MAD2L1: variants seen among roughly 807,000 people sequenced by gnomAD.
The protein encoded by MAD2L1 is mitotic arrest deficient 2 like 1.
A neutral mutation model predicts 25.9 loss-of-function variants in MAD2L1; 10 were observed. The ratio of observed to expected loss-of-function variants is 0.39; its 90% CI spans 0.24 to 0.66. The LOEUF is 0.66. MAD2L1 is among the 30% of genes least tolerant of loss of function. The pLI, the probability that MAD2L1 is intolerant of heterozygous loss-of-function variation, is 0.49. For synonymous variants in MAD2L1, 81 were observed against 91.8 expected, an observed-to-expected ratio of 0.88 and a Z score of 0.67; for missense variants, 180 against 246.4, an observed-to-expected ratio of 0.73 and a Z score of 1.80.
chr4:120,060,139 G>A lies in MAD2L1; in HGVS notation c.597C>T (p.Tyr199=). ...TIHKVNSMVA[Y]KIPVND is the part of the protein sequence containing the mutation. ...ATCCTCAGTCATTGACAGGAATTTT[G>A]TAGGCCACCATGCTATTTACTTTGT... The change falls in exon 5 of 5, where the codon TAC becomes TAT. Residue 199 remains tyrosine (Y), a synonymous_variant. Coordinates refer to ENST00000296509, the MANE Select transcript of MAD2L1 (RefSeq NM_002358.4). The A allele has an allele frequency of 6.2e-7, 1 of 1,600,600 alleles. No individual in the cohort carries two copies. Among genetic ancestry groups the A allele is most frequent in the Non-Finnish European group, 8.5e-7 (1 of 1,172,284 alleles).
rs1425246640 is a variant in MAD2L1, at chr4:120,062,090, A to AC, written c.225dup (p.Leu76ValfsTer17). On this transcript the variant is annotated frameshift_variant, in exon 3 of 5. Coordinates refer to ENST00000296509, the MANE Select transcript of MAD2L1 (RefSeq NM_002358.4). LOFTEE classifies it high-confidence loss of function. Reference sequence around the variant, plus strand: ...AGTTTCTGAACTGAACACTTGTATAACCAATCTGCAACATATAAAAAGGAA... The same window carrying AC: ...AGTTTCTGAACTGAACACTTGTATAACCCAATCTGCAACATATAAAAAGGAA... The AC allele has an allele frequency of 6.8e-6, 11 of 1,608,930 alleles. No individual in the cohort carries two copies.
Position 120,059,923 on chromosome 4 carries a change from G to A in MAD2L1, c.*195C>T. 1 of 431,408 alleles carries A rather than the reference G, an allele frequency of 2.3e-6. No homozygotes were observed. Among genetic ancestry groups the A allele is most frequent in the Non-Finnish European group, 4.1e-6 (1 of 244,092 alleles). The allele number at this position is 431,408 out of a possible 1,614,324, so 26.7% of individuals were successfully genotyped here. On this transcript the variant is annotated 3_prime_UTR_variant, in exon 5 of 5. Coordinates refer to ENST00000296509, the MANE Select transcript of MAD2L1 (RefSeq NM_002358.4). ...TTTGAACAATGTGCAATAAATTCAT[G>A]ATGTTAACTCCATGGTAAGTCAAAT...
Position 120,056,285 on chromosome 4 carries a change from A to G in MAD2L1, c.*3833T>C, listed in dbSNP as rs1005857876. 2 of 152,234 alleles carry G rather than the reference A, an allele frequency of 1.3e-5. No individual in the cohort carries two copies. Among genetic ancestry groups the G allele is most frequent in the Non-Finnish European group, 2.9e-5 (2 of 68,038 alleles). The allele number at this position is 152,234 out of a possible 1,614,324, so 9.4% of individuals were successfully genotyped here. ...ATTAAATAAAAATTCATGTGAAGTGACTAGTAAATAATAAATGCTAAGTGT... is the reference window on the plus strand; with the variant it reads ...ATTAAATAAAAATTCATGTGAAGTGGCTAGTAAATAATAAATGCTAAGTGT... On this transcript the variant is annotated 3_prime_UTR_variant, in exon 5 of 5. Coordinates refer to ENST00000296509, the MANE Select transcript of MAD2L1 (RefSeq NM_002358.4).
chr4:120,061,939 A>C, intron 3 of MAD2L1, 36 bp downstream of exon 3: 1 of 1,495,690 alleles, frequency 6.7e-7, no homozygotes, highest in Non-Finnish European at 9.0e-7. Flanking sequence ...TTGAAAAAAA[A>C]TATATCAAAG....
rs1472388219 is a variant in MAD2L1, at chr4:120,066,684, G to C, written c.51C>G (p.Ala17=). 2 of 1,603,464 alleles carry C rather than the reference G, an allele frequency of 1.2e-6. No individual in the cohort carries two copies. Among genetic ancestry groups the C allele is most frequent in the African/African-American group, 1.3e-5 (1 of 74,764 alleles). Reference sequence around the variant, plus strand: ...TACAGAAGAACTCGGCCACGATTTCGGCGCTCCCGCGCAGGGTGATTCCCT... The same window carrying C: ...TACAGAAGAACTCGGCCACGATTTCCGCGCTCCCGCGCAGGGTGATTCCCT... The part of the protein sequence containing the change: ...REQGITLRGS[A]EIVAEFFSFG... Residue 17 remains alanine (A), a synonymous_variant, in exon 1 of 5, where the codon GCC becomes GCG. Transcript: ENST00000296509.
At chr4:120,064,896 T>G (rs1240279849) in intron 2 of MAD2L1, among the ~76,000 whole-genome samples, 1 of 149,944 alleles carries the variant, frequency 6.7e-6, no homozygotes, top group Non-Finnish European at 1.5e-5. Flanking sequence ...AAAAAAAAGA[T>G]GGCTGCTGTA....
Position 120,058,207 on chromosome 4 carries a change from CTCA to C in MAD2L1, c.*1908_*1910del, listed in dbSNP as rs530280340. 8.5e-5 allele frequency: 13 copies of C among 152,230 alleles called. No homozygotes were observed. In the East Asian group the frequency reaches 2.1e-3, roughly 25 times the overall value. The allele number at this position is 152,230 out of a possible 1,614,324, so 9.4% of individuals were successfully genotyped here. Reference sequence around the variant, plus strand: ...ATATAATCTGTAAGGGGTAAAATGACTCATCATGACTAGCTCTCCAGAAACCTC... The same window carrying C: ...ATATAATCTGTAAGGGGTAAAATGACTCATGACTAGCTCTCCAGAAACCTC... On this transcript the variant is annotated 3_prime_UTR_variant, in exon 5 of 5. Transcript: ENST00000296509.
chr4:120,061,017 C>T, intron 3 of MAD2L1, 40 bp from the exon 4 acceptor site: 1 of 1,202,658 alleles, frequency 8.3e-7, no homozygotes, highest in Non-Finnish European at 1.2e-6. Context: ...CATTTCAGGT[C>T]TTAACAAATT....
At chr4:120,064,691 G>A (rs192238396) in intron 2 of MAD2L1, among the ~76,000 whole-genome samples, 25 of 152,214 alleles carry the variant, frequency 1.6e-4, no homozygotes, top group Non-Finnish European at 3.1e-4. Flanking sequence ...TTCCCCTCCT[G>A]TACACATAAA....
At position 120,066,817 on chromosome 4, in the gene MAD2L1, G is replaced by A. The variant is rs887758098; in HGVS notation, c.-83C>T. 33 of 1,029,712 alleles carry A rather than the reference G, an allele frequency of 3.2e-5. No homozygotes were observed. The highest frequency in any genetic ancestry group is 4.4e-5 in the Non-Finnish European group (30 of 675,866). The allele number at this position is 1,029,712 out of a possible 1,614,324, so 63.8% of individuals were successfully genotyped here. A position where few individuals can be genotyped will look rare whatever the true frequency, so the allele number is the denominator to read the frequency against. On this transcript the variant is annotated 5_prime_UTR_variant, in exon 1 of 5. In the 5' UTR this introduces an upstream ATG that the reference lacks. Transcript: ENST00000296509. ...CTCCAACAGCACTTCCCCGCCAAGC[G>A]TTTCAAAAGTAACGACGCAGCACGT... is the stretch of plus-strand genomic sequence containing the variant.
chr4:120,057,926 G>A lies in MAD2L1; in HGVS notation c.*2192C>T, dbSNP rs1386392254. On this transcript the variant is annotated 3_prime_UTR_variant, in exon 5 of 5. Coordinates refer to ENST00000296509, the MANE Select transcript of MAD2L1 (RefSeq NM_002358.4). ...CGCCCAGGCTAGAGTACAGTGGCAC[G>A]GTCTTGGCTCACCGCAACCTCCACC... 5 of 152,140 alleles carry A rather than the reference G, an allele frequency of 3.3e-5. No individual in the cohort carries two copies. Among genetic ancestry groups the A allele is most frequent in the Non-Finnish European group, 7.3e-5 (5 of 68,040 alleles). 9.4% of individuals were successfully genotyped at this position (152,140 alleles called of 1,614,324 possible). A position where few individuals can be genotyped will look rare whatever the true frequency, so the allele number is the denominator to read the frequency against.
At chr4:120,062,712 T>A (rs949987800) in intron 2 of MAD2L1, among the ~76,000 whole-genome samples, 1 of 152,292 alleles carries the variant, frequency 6.6e-6, no homozygotes, top group Middle Eastern at 3.4e-3. Context: ...ATTAAAAAAA[T>A]ATATACTTCA....
chr4:120,060,982 C>G lies in MAD2L1; in HGVS notation c.342-5G>C, dbSNP rs1270865379. The G allele has an allele frequency of 1.3e-6, 2 of 1,521,390 alleles. No homozygotes were observed. Among genetic ancestry groups the G allele is most frequent in the Non-Finnish European group, 1.8e-6 (2 of 1,106,260 alleles). The allele number at this position is 1,521,390 out of a possible 1,614,324, so 94.2% of individuals were successfully genotyped here. A position where few individuals can be genotyped will look rare whatever the true frequency, so the allele number is the denominator to read the frequency against. On this transcript the variant is annotated splice_region_variant and splice_polypyrimidine_tract_variant and intron_variant, in intron 3 of 4. Transcript: ENST00000296509. ...TGAGACTTTTCTCTGGGTGCACTGT[C>G]AAAAAAAAATCAAATCAATTAATTC...
chr4:120,064,283 A>G (rs1004690961), intron 2 of MAD2L1, among the ~76,000 whole-genome samples: 26 of 152,110 alleles, frequency 1.7e-4, no homozygotes, highest in African/African-American at 6.0e-4. Flanking sequence ...TTTGGATGCA[A>G]CTCTGGGAGA....
At chr4:120,065,863 A>G in intron 1 of MAD2L1, 45 bp from the exon 2 acceptor site, 2 of 1,588,160 alleles carry the variant, frequency 1.3e-6, no homozygotes, top group Non-Finnish European at 1.7e-6. Flanking sequence ...ATCCCTGCAT[A>G]ACTCTGGAAA....
chr4:120,063,795 AG>A (rs1490998466), intron 2 of MAD2L1, among the ~76,000 whole-genome samples: 4 of 152,262 alleles, frequency 2.6e-5, no homozygotes, highest in Admixed American at 1.3e-4. Context: ...GTGGATCACG[AG>A]GTCAGGAGTT....
chr4:120,064,165 G>A (rs544154778), intron 2 of MAD2L1, among the ~76,000 whole-genome samples: 1 of 152,174 alleles, frequency 6.6e-6, no homozygotes, highest in Non-Finnish European at 1.5e-5. Context: ...TGCTTCTCCA[G>A]CAAATTAAGA....
At chr4:120,065,584 G>A (rs1726300776) in intron 2 of MAD2L1, 88 bp downstream of exon 2, 2 of 1,153,250 alleles carry the variant, frequency 1.7e-6, no homozygotes, top group Admixed American at 4.3e-5. Flanking sequence ...TGAGATGTCA[G>A]TACACTTCTA....
At chr4:120,066,339 A>G (rs1313403641) in intron 1 of MAD2L1, among the ~76,000 whole-genome samples, 1 of 151,342 alleles carries the variant, frequency 6.6e-6, no homozygotes, top group African/African-American at 2.4e-5. Flanking sequence ...GTGCTCTCGC[A>G]GTTAAAAAAA....
Sources: gnomAD v4.1 joint callset for allele counts (sites outside exome capture counted in the v4.1 genomes callset) on GRCh38, gnomAD v4.1.1 for gene constraint, MANE v1.5 for transcripts, NCBI Gene and HGNC (gene_info 2026-07-23, HGNC 2026-07-21) for gene names.